The following FCRL2 variants were observed in gnomAD, a reference collection of about 807,000 sequenced individuals.
The protein encoded by FCRL2 is Fc receptor like 2.
FCRL2 carries 48 observed loss-of-function variants against 59.8 expected under a neutral mutation model. That is an observed-to-expected ratio of 0.80 (90% CI 0.64 to 1.02). The LOEUF is 1.02. FCRL2 is among the 50% of genes least tolerant of loss of function. The pLI, the probability that FCRL2 is intolerant of heterozygous loss-of-function variation, is 0.00. For missense variants in FCRL2, 658 were observed against 597.3 expected (o/e 1.10, Z -1.06); for synonymous variants, 251 against 229.5 (o/e 1.09, Z -0.85).
Position 157,749,649 on chromosome 1 carries a change from C to T in FCRL2, c.1307+1G>A. 1 of 1,607,406 alleles carries T rather than the reference C, an allele frequency of 6.2e-7. No homozygotes were observed. Among genetic ancestry groups the T allele is most frequent in the Non-Finnish European group, 8.5e-7 (1 of 1,175,464 alleles). ...AAATTTTTACTAGGAAGAGTTCTCA[C>T]CTGGGTTCATTAGTGGCAGAACTTT... On this transcript the variant is annotated splice_donor_variant, in intron 8 of 11. Transcript: ENST00000361516. LOFTEE classifies it high-confidence loss of function.
In FCRL2 at chr1:157,746,772, G is replaced by A. The variant is rs763616359; in HGVS notation, c.1491C>T (p.Asp497=). The part of the protein sequence containing the change: ...ANIRTLLENK[D]SQVIYSSVKK... ...TCACAGAAGAGTAGATGACTTGGGA[G>A]TCCTGGGAGAGACACACAGGAATAA... Residue 497 remains aspartate, a splice_region_variant and synonymous_variant, in exon 12 of 12, where the codon GAC becomes GAT. Coordinates refer to ENST00000361516, the MANE Select transcript of FCRL2 (RefSeq NM_030764.4). The A allele has an allele frequency of 1.2e-6, 2 of 1,613,632 alleles. No individual in the cohort carries two copies. Among genetic ancestry groups the A allele is most frequent in the African/African-American group, 1.3e-5 (1 of 74,906 alleles).
chr1:157,774,692 A>G lies in FCRL2; in HGVS notation c.52+1083T>C, dbSNP rs550272025. Among the ~76,000 whole-genome samples the G allele has an allele frequency of 2.6e-5, 4 of 152,316 alleles. No homozygotes were observed. In the East Asian group the frequency reaches 7.7e-4, roughly 29 times the overall value. ...CCAGACAGACAGTGGAGTGATGGGTATCACAGGGTGGGACTCCTGGACCTT... is the reference window on the plus strand; with the variant it reads ...CCAGACAGACAGTGGAGTGATGGGTGTCACAGGGTGGGACTCCTGGACCTT... On this transcript the variant is annotated intron_variant, in intron 2 of 11. Transcript: ENST00000361516.
chr1:157,772,493 G>C (rs1276974099), intron 2 of FCRL2, among the ~76,000 whole-genome samples: 1 of 152,168 alleles, frequency 6.6e-6, no homozygotes, highest in Non-Finnish European at 1.5e-5. Flanking sequence ...GCAGCTCTGA[G>C]AGGAATCCAC....
intron 7 of FCRL2, 36 bp downstream of exon 7, chr1:157,766,819 T>C: frequency 1.2e-6 from 2 of 1,613,778 alleles, no homozygotes; most frequent in East Asian, 2.2e-5. Flanking sequence ...GGAAAGGTCA[T>C]AGCAAAATAT....
chr1:157,754,335 A>G (rs1324171597), intron 7 of FCRL2, among the ~76,000 whole-genome samples: 1 of 152,194 alleles, frequency 6.6e-6, no homozygotes, highest in African/African-American at 2.4e-5. Flanking sequence ...CACCAGTGGC[A>G]TGATGGTTTA....
intron 2 of FCRL2, among the ~76,000 whole-genome samples, chr1:157,774,808 C>T (rs923347514): frequency 3.3e-5 from 5 of 152,146 alleles, no homozygotes; most frequent in Admixed American, 2.0e-4. Flanking sequence ...ACTCTTGTTC[C>T]ATTCAAGGTG....
rs748405233 is a variant in FCRL2 at position 157,770,554 on chromosome 1, G to A, written c.165C>T (p.Asn55=). 2 of 1,614,182 alleles carry A rather than the reference G, an allele frequency of 1.2e-6. No individual in the cohort carries two copies. Among genetic ancestry groups the A allele is most frequent in the Non-Finnish European group, 1.7e-6 (2 of 1,180,030 alleles). Residue 55 remains asparagine, a synonymous_variant, in exon 3 of 12, where the codon AAC becomes AAT. Transcript: ENST00000361516. ...KIQKMAYHKD[N]KELSVFKKFS... The stretch of plus-strand genomic sequence containing the variant: ...ATTTTTTGAAAACAGATAACTCTTT[G>A]TTATCCTTATGGTAAGCCATCTTCT...
chr1:157,749,065 T>C, intron 8 of FCRL2, 105 bp from the exon 9 acceptor site: 1 of 934,590 alleles, frequency 1.1e-6, no homozygotes, highest in Non-Finnish European at 1.7e-6. Flanking sequence ...CAGCCATGGC[T>C]CTCTGCTTGG....
At chr1:157,775,994 T>C (rs185904790) in intron 1 of FCRL2, among the ~76,000 whole-genome samples, 199 bp from the exon 2 acceptor site, 97 of 152,326 alleles carry the variant, frequency 6.4e-4, no homozygotes, top group African/African-American at 2.2e-3. Flanking sequence ...AAAAGGCAAG[T>C]TGCAAACCCA....
chr1:157,751,474 C>T (rs1648178905), intron 7 of FCRL2, among the ~76,000 whole-genome samples: 1 of 152,100 alleles, frequency 6.6e-6, no homozygotes. Context: ...GAGGAGTGCC[C>T]CGTGTGGACA....
chr1:157,756,019 T>A (rs1648563586), intron 7 of FCRL2, among the ~76,000 whole-genome samples: 1 of 152,144 alleles, frequency 6.6e-6, no homozygotes, highest in Non-Finnish European at 1.5e-5. Flanking sequence ...AAAGAAAAAA[T>A]AAAAGGTATT....
chr1:157,767,340 C>G lies in FCRL2; in HGVS notation c.1053G>C (p.Gly351=). Residue 351 remains glycine, a synonymous_variant, in exon 6 of 12, where the codon GGG becomes GGC. Coordinates refer to ENST00000361516, the MANE Select transcript of FCRL2 (RefSeq NM_030764.4). ...CAGTCAAAGAGAGGTTGAAGGAGGCCCCTCCTCCAGAGGGGGCCGAGCTGT... is the reference window on the plus strand; with the variant it reads ...CAGTCAAAGAGAGGTTGAAGGAGGCGCCTCCTCCAGAGGGGGCCGAGCTGT... ...LGNSSAPSGG[G]ASFNLSLTAE... The G allele has an allele frequency of 6.2e-7, 1 of 1,614,156 alleles. No individual in the cohort carries two copies. Among genetic ancestry groups the G allele is most frequent in the Non-Finnish European group, 8.5e-7 (1 of 1,180,022 alleles).
chr1:157,755,879 T>G (rs1648552960), intron 7 of FCRL2, among the ~76,000 whole-genome samples: 1 of 152,204 alleles, frequency 6.6e-6, no homozygotes, highest in Admixed American at 6.5e-5. Flanking sequence ...TGGGAGCCTC[T>G]GAGGAAGGGA....
chr1:157,766,510 C>G (rs1649509080), intron 7 of FCRL2: 2 of 284,696 alleles, frequency 7.0e-6, no homozygotes, highest in Non-Finnish European at 1.3e-5. Context: ...TTAAATCTAG[C>G]TCCTTACTAC....
intron 7 of FCRL2, among the ~76,000 whole-genome samples, chr1:157,755,800 T>C (rs12083004): frequency 0.042 from 6,436 of 152,256 alleles, 437 homozygotes; most frequent in African/African-American, 0.15. Flanking sequence ...ATAAAGAACA[T>C]GTATGTATAC....
At chr1:157,747,823 C>G (rs1647865628) in intron 10 of FCRL2, among the ~76,000 whole-genome samples, 1 of 152,180 alleles carries the variant, frequency 6.6e-6, no homozygotes, top group Admixed American at 6.5e-5. Flanking sequence ...TTGATTTATT[C>G]AGTTATTCCT....
At chr1:157,773,601 T>G (rs1650189215) in intron 2 of FCRL2, among the ~76,000 whole-genome samples, 1 of 152,212 alleles carries the variant, frequency 6.6e-6, no homozygotes, top group Non-Finnish European at 1.5e-5. Context: ...TGGGTTTGTG[T>G]GACAGTTTGT....
intron 7 of FCRL2, among the ~76,000 whole-genome samples, chr1:157,754,394 G>A (rs549522712): frequency 6.6e-5 from 10 of 152,238 alleles, no homozygotes; most frequent in African/African-American, 1.9e-4. Context: ...TCTAAAAAGG[G>A]GAGGCATGAA....
At chr1:157,756,409 A>T (rs1240112214) in intron 7 of FCRL2, among the ~76,000 whole-genome samples, 1 of 152,242 alleles carries the variant, frequency 6.6e-6, no homozygotes, top group East Asian at 1.9e-4. Flanking sequence ...CTGGCCAGGC[A>T]TGGTGACTCA....
Sources: gnomAD v4.1 joint callset for allele counts (sites outside exome capture counted in the v4.1 genomes callset) on GRCh38, gnomAD v4.1.1 for gene constraint, MANE v1.5 for transcripts, NCBI Gene and HGNC (gene_info 2026-07-23, HGNC 2026-07-21) for gene names.